Variants in FILIP1L observed in about 807,000 individuals in gnomAD.
The protein encoded by FILIP1L is filamin A-interacting protein 1-like.
Under a neutral mutation model 96.6 loss-of-function variants are expected in FILIP1L, and 55 were observed. That is an observed-to-expected ratio of 0.57 (90% CI 0.46 to 0.71). The LOEUF (loss-of-function observed/expected upper bound fraction) is 0.71. Among genes scored for constraint, FILIP1L ranks in the 30% least tolerant of loss-of-function variants. The pLI is 0.00. For synonymous variants in FILIP1L, 467 were observed against 473.9 expected (o/e 0.99, Z 0.19); for missense variants, 1,304 against 1,321.2 (o/e 0.99, Z 0.20).
At chr3:99,864,779 G>A (rs1017293809) in intron 4 of FILIP1L, among the ~76,000 whole-genome samples, 1 of 151,952 alleles carries the variant, frequency 6.6e-6, no homozygotes, top group African/African-American at 2.4e-5. Context: ...TGTGCTCGCT[G>A]TCTCCCCAGG....
intron 4 of FILIP1L, among the ~76,000 whole-genome samples, chr3:99,863,055 G>A (rs1403295323): frequency 5.9e-5 from 9 of 152,104 alleles, no homozygotes; most frequent in South Asian, 2.1e-4. Context: ...CTTAGGCAGC[G>A]GTCCCCAACC....
At chr3:99,916,290 G>A (rs1387140140) in intron 4 of FILIP1L, among the ~76,000 whole-genome samples, 1 of 150,378 alleles carries the variant, frequency 6.6e-6, no homozygotes, top group Non-Finnish European at 1.5e-5. Flanking sequence ...TTTAGATTGG[G>A]AATAGAATCT....
At chr3:99,872,636 A>G (rs1347255464) in intron 4 of FILIP1L, among the ~76,000 whole-genome samples, 1 of 152,140 alleles carries the variant, frequency 6.6e-6, no homozygotes, top group Non-Finnish European at 1.5e-5. Context: ...TTAACAATTT[A>G]TCATATTTTG....
rs1289530168 is a variant in FILIP1L at position 99,846,915 on chromosome 3, G to GT, written c.3381+1379dup. Reference sequence around the variant, plus strand: ...ATAAGCTACTTTGTCTGAAATCGTCGTTTTGGAATGTGACTTGGGGACCAT... The same window carrying GT: ...ATAAGCTACTTTGTCTGAAATCGTCGTTTTTGGAATGTGACTTGGGGACCAT... On this transcript the variant is annotated intron_variant, in intron 5 of 5. Transcript: ENST00000477258. 7.9e-5 allele frequency among the ~76,000 whole-genome samples: 12 copies of GT among 152,298 alleles called. No homozygotes were observed. The South Asian group carries it at 2.5e-3, about 32-fold the overall frequency.
intron 1 of FILIP1L, among the ~76,000 whole-genome samples, chr3:99,996,447 C>G (rs932074275): frequency 6.6e-6 from 1 of 152,178 alleles, no homozygotes; most frequent in African/African-American, 2.4e-5. Context: ...TCTGAGCCCT[C>G]CAAACTGTTC....
chr3:99,989,145 A>C (rs940954625), intron 1 of FILIP1L, among the ~76,000 whole-genome samples: 1 of 152,234 alleles, frequency 6.6e-6, no homozygotes, highest in East Asian at 1.9e-4. Flanking sequence ...CCTAGCAACA[A>C]CTGTATGACA....
intron 1 of FILIP1L, among the ~76,000 whole-genome samples, chr3:99,952,428 C>T (rs1035482631): frequency 7.9e-5 from 12 of 152,172 alleles, no homozygotes; most frequent in Non-Finnish European, 1.8e-4. Flanking sequence ...CTGGCTGATC[C>T]TACCCCAGCC....
chr3:99,841,367 G>T (rs1208623076), intron 5 of FILIP1L, among the ~76,000 whole-genome samples: 1 of 152,196 alleles, frequency 6.6e-6, no homozygotes, highest in Non-Finnish European at 1.5e-5. Flanking sequence ...GAAAAATAAT[G>T]TAGATAACCA....
chr3:99,983,410 ATATATATATG>A (rs1391257313), intron 1 of FILIP1L, among the ~76,000 whole-genome samples: 3 of 108,970 alleles, frequency 2.8e-5, no homozygotes, highest in African/African-American at 1.1e-4. Context: ...ATATATATAT[ATATATATATG>A]TATGTATGTA....
chr3:100,001,876 T>C (rs114673034), intron 1 of FILIP1L, among the ~76,000 whole-genome samples: 1,828 of 152,270 alleles, frequency 0.012, 23 homozygotes, highest in African/African-American at 0.027. Flanking sequence ...TACCCTCCCC[T>C]AAGCTGCTCA....
rs575270070 is a variant in FILIP1L at position 99,998,794 on chromosome 3, C to T, written c.-10-67764G>A. The stretch of plus-strand genomic sequence containing the variant: ...CCGTATTAGCCAGGATGGTCTCGAT[C>T]TCCTGACCTCGTGATCCGCCCGCCT... On this transcript the variant is annotated intron_variant, in intron 1 of 5. Coordinates refer to ENST00000477258, the MANE Select transcript of FILIP1L (RefSeq NM_001387850.1). Among the ~76,000 whole-genome samples, 369 of 152,344 alleles carry T rather than the reference C, an allele frequency of 2.4e-3. 1 individual carries two copies. Among genetic ancestry groups the T allele is most frequent in the African/African-American group, 8.3e-3 (346 of 41,582 alleles).
rs9879823 is a variant in FILIP1L at position 99,983,544 on chromosome 3, G to A, written c.-10-52514C>T. On this transcript the variant is annotated intron_variant, in intron 1 of 5. Coordinates refer to ENST00000477258, the MANE Select transcript of FILIP1L (RefSeq NM_001387850.1). The stretch of plus-strand genomic sequence containing the variant: ...TACACACACAAAAAGAAAAAAATTA[G>A]CCAGGTGTGGTGGCAGGTACCTGTA... 3.7e-3 allele frequency among the ~76,000 whole-genome samples: 498 copies of A among 135,188 alleles called. 4 individuals carry two copies. The highest frequency in any genetic ancestry group is 0.013 in the African/African-American group (465 of 36,126). 88.7% of individuals were successfully genotyped at this position (135,188 alleles called of 152,430 possible). A position where few individuals can be genotyped will look rare whatever the true frequency, so the allele number is the denominator to read the frequency against.
intron 1 of FILIP1L, among the ~76,000 whole-genome samples, chr3:100,012,611 G>A (rs1253533072): frequency 2.0e-5 from 3 of 151,958 alleles, no homozygotes; most frequent in Non-Finnish European, 4.4e-5. Flanking sequence ...CCCCACCGTG[G>A]GCCTAATTAT....
intron 1 of FILIP1L, among the ~76,000 whole-genome samples, chr3:99,942,971 C>G (rs1478561694): frequency 6.6e-6 from 1 of 152,044 alleles, no homozygotes; most frequent in African/African-American, 2.4e-5. Flanking sequence ...AAACTATGTC[C>G]CAGGAGCCAA....
intron 1 of FILIP1L, among the ~76,000 whole-genome samples, chr3:100,109,613 A>G (rs754203261): frequency 3.3e-5 from 5 of 152,104 alleles, no homozygotes; most frequent in Admixed American, 6.6e-5. Flanking sequence ...GATTCTTTCA[A>G]TTGGCATAAT....
chr3:100,067,480 A>AGGAT (rs1357423170), intron 1 of FILIP1L, among the ~76,000 whole-genome samples: 2 of 152,180 alleles, frequency 1.3e-5, no homozygotes, highest in Non-Finnish European at 2.9e-5. Flanking sequence ...TACATGATTG[A>AGGAT]GGATAGTGAG....
chr3:100,113,359 T>C (rs962516973), intron 1 of FILIP1L, among the ~76,000 whole-genome samples: 5 of 152,202 alleles, frequency 3.3e-5, no homozygotes, highest in African/African-American at 1.2e-4. Context: ...TATATCCAGA[T>C]GTGATGTGCC....
At chr3:100,086,374 T>C (rs1371591004) in intron 1 of FILIP1L, among the ~76,000 whole-genome samples, 1 of 152,142 alleles carries the variant, frequency 6.6e-6, no homozygotes, top group Non-Finnish European at 1.5e-5. Flanking sequence ...TACTGAGAAA[T>C]GTCTTGGAAT....
intron 1 of FILIP1L, among the ~76,000 whole-genome samples, chr3:99,943,523 G>A (rs1275884416): frequency 1.3e-5 from 2 of 152,234 alleles, no homozygotes; most frequent in African/African-American, 4.8e-5. Context: ...GACCAATATG[G>A]TGAAACCCCA....
Sources: allele counts gnomAD v4.1 joint callset (sites outside exome capture counted in the v4.1 genomes callset), GRCh38; gene constraint gnomAD v4.1.1; transcripts MANE v1.5; gene names NCBI Gene and HGNC (gene_info 2026-07-23, HGNC 2026-07-21).